Variants in RANBP2 observed in about 807,000 individuals in gnomAD.
The protein encoded by RANBP2 is E3 SUMO-protein ligase RanBP2.
In RANBP2, 57 loss-of-function variants were observed where a neutral mutation model predicts 303.6. The observed-to-expected ratio is 0.19, with a 90% CI of 0.15 to 0.23. The LOEUF is 0.23. Among genes scored for constraint, RANBP2 ranks in the 10% least tolerant of loss-of-function variants. The probability of loss-of-function intolerance (pLI) is 1.00; values close to 1 mark genes in which losing one functional copy is unlikely to be tolerated. For synonymous variants in RANBP2, 1,167 were observed against 1,301.5 expected, an observed-to-expected ratio of 0.90 and a Z score of 2.23; for missense variants, 3,138 against 3,780.8, an observed-to-expected ratio of 0.83 and a Z score of 4.46.
At chr2:108,977,089 A>G in the RANBP2 span, among the ~76,000 whole-genome samples, 1 of 152,132 alleles carries the variant, frequency 6.6e-6, no homozygotes, top group Admixed American at 6.5e-5. Flanking sequence ...TGTGATCAGG[A>G]CGCCAATAAG....
At chr2:109,411,176 A>G in the RANBP2 span, among the ~76,000 whole-genome samples, 2 of 152,204 alleles carry the variant, frequency 1.3e-5, no homozygotes, top group Non-Finnish European at 2.9e-5. Context: ...CAACCTCGTT[A>G]TGAATACTTC....
Position 108,783,591 on chromosome 2 carries a change from T to C in RANBP2, c.9370-5T>C. 1 of 1,598,108 alleles carries C rather than the reference T, an allele frequency of 6.3e-7. No homozygotes were observed. The highest frequency in any genetic ancestry group is 8.5e-7 in the Non-Finnish European group (1 of 1,171,844). On this transcript the variant is annotated splice_polypyrimidine_tract_variant and splice_region_variant and intron_variant, in intron 28 of 28. Coordinates refer to ENST00000283195, the MANE Select transcript of RANBP2 (RefSeq NM_006267.5). The stretch of plus-strand genomic sequence containing the variant: ...TAACTTTTTTATTATAAATCTTTTT[T>C]TCAGGGAGGAGATATCACCAAACAT...
At chr2:108,875,352 T>C in the RANBP2 span, among the ~76,000 whole-genome samples, 8,323 of 148,368 alleles carry the variant, frequency 0.056, 356 homozygotes, top group South Asian at 0.14. Flanking sequence ...AAATTCTTAA[T>C]GATTGAAATG....
the RANBP2 span, among the ~76,000 whole-genome samples, chr2:109,217,769 C>T: frequency 6.6e-6 from 1 of 152,160 alleles, no homozygotes; most frequent in South Asian, 2.1e-4. Context: ...GATCATTCTT[C>T]TCCCGCCTGC....
At chr2:109,321,056 T>G in the RANBP2 span, among the ~76,000 whole-genome samples, 3 of 152,110 alleles carry the variant, frequency 2.0e-5, no homozygotes, top group East Asian at 3.8e-4. Flanking sequence ...TGATAACTTA[T>G]AGACATGTAA....
the RANBP2 span, chr2:109,732,788 G>T: frequency 3.3e-6 from 3 of 909,230 alleles, no homozygotes; most frequent in Non-Finnish European, 3.6e-6. Context: ...ACAGACTTTT[G>T]GCTACTGTGG....
At chr2:109,009,725 T>TTTTTGGG in the RANBP2 span, among the ~76,000 whole-genome samples, 1 of 148,494 alleles carries the variant, frequency 6.7e-6, no homozygotes, top group Non-Finnish European at 1.5e-5. Flanking sequence ...TTTTTTTTTT[T>TTTTTGGG]GCAGGGACAA....
At chr2:108,848,656 G>A in the RANBP2 span, among the ~76,000 whole-genome samples, 3 of 152,182 alleles carry the variant, frequency 2.0e-5, no homozygotes, top group South Asian at 2.1e-4. Context: ...GGAAATTTAT[G>A]TGGAAAAATT....
the RANBP2 span, among the ~76,000 whole-genome samples, chr2:109,370,221 GTCTCTGTCTCTC>G: frequency 1.3e-5 from 2 of 148,708 alleles, no homozygotes; most frequent in African/African-American, 5.1e-5. Context: ...CTCTGTCTCT[GTCTCTGTCTCTC>G]TCTCTCTTTT....
At chr2:109,733,125 G>A in the RANBP2 span, 3 of 508,126 alleles carry the variant, frequency 5.9e-6, no homozygotes, top group Non-Finnish European at 1.2e-5. Context: ...TCTCGGGAGA[G>A]AAATCACAAG....
chr2:109,443,269 G>A, the RANBP2 span, among the ~76,000 whole-genome samples: 8 of 152,242 alleles, frequency 5.3e-5, no homozygotes, highest in South Asian at 2.1e-4. Flanking sequence ...CTATTAACAG[G>A]TGCCAGAGCT....
the RANBP2 span, among the ~76,000 whole-genome samples, chr2:109,078,268 GTATATATATATATATATATA>G: frequency 2.2e-5 from 1 of 46,268 alleles, no homozygotes; most frequent in African/African-American, 8.8e-5. Context: ...TATATAGCGC[GTATATATATATATATATATA>G]TATATATATA....
the RANBP2 span, chr2:109,614,785 T>A: frequency 2.0e-6 from 3 of 1,476,318 alleles, no homozygotes; most frequent in South Asian, 1.3e-5. Context: ...CGAATCCAGG[T>A]GACCGCCGAG....
chr2:109,564,257 T>A, the RANBP2 span: 4 of 993,886 alleles, frequency 4.0e-6, no homozygotes, highest in East Asian at 1.1e-4. Flanking sequence ...TTCTATATCA[T>A]GGTTTTGGGA....
the RANBP2 span, among the ~76,000 whole-genome samples, chr2:109,720,203 C>T: frequency 6.6e-6 from 1 of 152,064 alleles, no homozygotes; most frequent in East Asian, 1.9e-4. Context: ...CGCCTCCACG[C>T]CCTTGTGTAA....
the RANBP2 span, among the ~76,000 whole-genome samples, chr2:109,643,855 G>T: frequency 6.6e-6 from 1 of 151,934 alleles, no homozygotes; most frequent in Non-Finnish European, 1.5e-5. Context: ...GGGCTCAGTG[G>T]CTCACACCTG....
At chr2:109,251,520 A>G in the RANBP2 span, 2 of 745,216 alleles carry the variant, frequency 2.7e-6, no homozygotes, top group South Asian at 2.7e-5. Flanking sequence ...TATTGTGGTC[A>G]TTTGGTCCCT....
At chr2:109,318,668 A>G in the RANBP2 span, among the ~76,000 whole-genome samples, 1 of 152,128 alleles carries the variant, frequency 6.6e-6, no homozygotes, top group Non-Finnish European at 1.5e-5. Context: ...AGTCCTAGGG[A>G]AGCCAGAATG....
chr2:109,194,975 A>G, the RANBP2 span, among the ~76,000 whole-genome samples: 1 of 152,168 alleles, frequency 6.6e-6, no homozygotes, highest in African/African-American at 2.4e-5. Context: ...CAACTCCAGG[A>G]TCCTTTTTTG....
Sources: allele counts gnomAD v4.1 joint callset (sites outside exome capture counted in the v4.1 genomes callset), GRCh38; gene constraint gnomAD v4.1.1; transcripts MANE v1.5; gene names NCBI Gene and HGNC (gene_info 2026-07-23, HGNC 2026-07-21).